PTPRD: variants seen among roughly 807,000 people sequenced by gnomAD.
PTPRD encodes the protein receptor-type tyrosine-protein phosphatase delta.
PTPRD carries 34 observed loss-of-function variants against 214.5 expected under a neutral mutation model. The ratio of observed to expected loss-of-function variants is 0.16; its 90% confidence interval spans 0.12 to 0.21. The LOEUF is 0.21. Among genes scored for constraint, PTPRD ranks in the 10% least tolerant of loss-of-function variants. PTPRD has a pLI of 1.00. For synonymous variants in PTPRD, 1,128 were observed against 845.7 expected (o/e 1.33, Z -5.79); for missense variants, 2,545 against 2,398.7 (o/e 1.06, Z -1.27).
chr9:9,911,536 A>T (rs1327404206), intron 5 of PTPRD, among the ~76,000 whole-genome samples: 1 of 150,548 alleles, frequency 6.6e-6, no homozygotes, highest in Non-Finnish European at 1.5e-5. Flanking sequence ...TGCTAAAATA[A>T]AATGCAGTGT....
intron 11 of PTPRD, among the ~76,000 whole-genome samples, chr9:8,741,943 C>G (rs1391768070): frequency 6.6e-6 from 1 of 152,010 alleles, no homozygotes; most frequent in East Asian, 1.9e-4. Context: ...TTCAACCAAT[C>G]AAAAGAAGTA....
At chr9:10,058,911 C>G (rs925356360) in intron 3 of PTPRD, among the ~76,000 whole-genome samples, 4 of 152,022 alleles carry the variant, frequency 2.6e-5, no homozygotes, top group African/African-American at 7.2e-5. Context: ...TGAGACAGCA[C>G]ATAGGATAAT....
chr9:9,712,166 A>AT (rs1297957715), intron 7 of PTPRD, among the ~76,000 whole-genome samples: 1 of 152,094 alleles, frequency 6.6e-6, no homozygotes, highest in Non-Finnish European at 1.5e-5. Flanking sequence ...TATCCATTAA[A>AT]TTTTTTTTGT....
chr9:10,135,714 G>C (rs2098937799), intron 3 of PTPRD, among the ~76,000 whole-genome samples: 1 of 151,968 alleles, frequency 6.6e-6, no homozygotes, highest in South Asian at 2.1e-4. Flanking sequence ...AGTATTACAA[G>C]AGGTCCTTAA....
At chr9:8,395,628 T>C (rs1246733946) in intron 36 of PTPRD, among the ~76,000 whole-genome samples, 3 of 150,686 alleles carry the variant, frequency 2.0e-5, no homozygotes, top group Non-Finnish European at 4.5e-5. Context: ...ACAAAACACA[T>C]AGAATTTTTT....
At chr9:9,344,281 A>G (rs1364595478) in intron 9 of PTPRD, among the ~76,000 whole-genome samples, 1 of 152,040 alleles carries the variant, frequency 6.6e-6, no homozygotes, top group Non-Finnish European at 1.5e-5. Flanking sequence ...GCACAGTGAG[A>G]ACACATGGAC....
At chr9:8,929,313 T>C (rs1186763503) in intron 11 of PTPRD, among the ~76,000 whole-genome samples, 2 of 152,162 alleles carry the variant, frequency 1.3e-5, no homozygotes, top group Non-Finnish European at 2.9e-5. Context: ...CAGTATGATA[T>C]TGGCTGTGGG....
intron 3 of PTPRD, among the ~76,000 whole-genome samples, chr9:10,175,630 C>G (rs528467680): frequency 6.6e-6 from 1 of 151,920 alleles, no homozygotes; most frequent in South Asian, 2.1e-4. Flanking sequence ...CTAATGTTAC[C>G]CTGTGGTACA....
intron 2 of PTPRD, among the ~76,000 whole-genome samples, chr9:10,567,073 T>C (rs779647485): frequency 1.3e-5 from 2 of 152,130 alleles, no homozygotes; most frequent in Non-Finnish European, 2.9e-5. Flanking sequence ...ACATAGTATG[T>C]TTGCTTTTCT....
chr9:8,340,528 A>C, intron 41 of PTPRD, 59 bp from the exon 42 acceptor site: 1 of 1,443,738 alleles, frequency 6.9e-7, no homozygotes, highest in Non-Finnish European at 9.3e-7. Flanking sequence ...GCAAAAGCTC[A>C]CACTGGATAC....
chr9:8,771,138 A>G (rs56966652), intron 11 of PTPRD, among the ~76,000 whole-genome samples: 6,349 of 149,934 alleles, frequency 0.042, 336 homozygotes, highest in African/African-American at 0.12. Context: ...CCGAGATCAC[A>G]CCACTGCACT....
At chr9:8,984,565 A>C (rs1212986236) in intron 11 of PTPRD, among the ~76,000 whole-genome samples, 1 of 152,128 alleles carries the variant, frequency 6.6e-6, no homozygotes, top group Non-Finnish European at 1.5e-5. Flanking sequence ...CTAGAAGCAC[A>C]AGCAAGGAAG....
rs1303511604 is a variant in PTPRD at position 8,685,007 on chromosome 9, G to A, written c.65-48163C>T. On this transcript the variant is annotated intron_variant, in intron 12 of 45. Transcript: ENST00000381196. ...TCTGCACCTGTAAAGATGCTCTTCT[G>A]GGGATGGGCTGTGTTTGCATCCGGG... is the stretch of plus-strand genomic sequence containing the variant. 5.3e-5 allele frequency among the ~76,000 whole-genome samples: 8 copies of A among 152,232 alleles called. No homozygotes were observed. The East Asian group carries it at 1.5e-3, about 29-fold the overall frequency.
At chr9:10,109,213 C>T (rs1181668079) in intron 3 of PTPRD, among the ~76,000 whole-genome samples, 1 of 152,106 alleles carries the variant, frequency 6.6e-6, no homozygotes, top group Non-Finnish European at 1.5e-5. Context: ...TTATTTCTTG[C>T]TTCTGTGAAG....
At chr9:9,214,554 G>A (rs1175283625) in intron 9 of PTPRD, among the ~76,000 whole-genome samples, 1 of 151,586 alleles carries the variant, frequency 6.6e-6, no homozygotes, top group African/African-American at 2.4e-5. Context: ...ACTTATTAGA[G>A]CTTCTCAATG....
rs1228912336 is a variant in PTPRD, at chr9:8,929,983, T to G, written c.-104+88714A>C. On this transcript the variant is annotated intron_variant, in intron 11 of 45. Coordinates refer to ENST00000381196, the MANE Select transcript of PTPRD (RefSeq NM_002839.4). The stretch of plus-strand genomic sequence containing the variant: ...TATATATATAACTATTATTATACTT[T>G]AAGTTCTAGGATACATGTGCACAAC... Among the ~76,000 whole-genome samples the G allele has an allele frequency of 8.6e-5, 13 of 151,146 alleles. 1 individual carries two copies.
intron 12 of PTPRD, among the ~76,000 whole-genome samples, chr9:8,652,819 T>A (rs1427297592): frequency 1.3e-5 from 2 of 152,206 alleles, no homozygotes; most frequent in African/African-American, 4.8e-5. Context: ...CATTTGGGAA[T>A]GTATGCCAGG....
At chr9:9,345,967 G>A (rs751123407) in intron 9 of PTPRD, among the ~76,000 whole-genome samples, 2 of 151,970 alleles carry the variant, frequency 1.3e-5, no homozygotes, top group African/African-American at 4.8e-5. Context: ...TCATTATTTT[G>A]TTAACAGTGG....
chr9:8,597,664 A>T (rs1384109788), intron 14 of PTPRD, among the ~76,000 whole-genome samples: 1 of 152,164 alleles, frequency 6.6e-6, no homozygotes, highest in Non-Finnish European at 1.5e-5. Context: ...TATCAATTTC[A>T]TGCTCACTGA....
Sources: allele counts gnomAD v4.1 joint callset (sites outside exome capture counted in the v4.1 genomes callset), GRCh38; gene constraint gnomAD v4.1.1; transcripts MANE v1.5; gene names NCBI Gene and HGNC (gene_info 2026-07-23, HGNC 2026-07-21).